Variants in CEP72 observed in about 807,000 individuals in gnomAD.
CEP72 encodes centrosomal protein of 72 kDa.
CEP72 carries 78 observed loss-of-function variants against 65.7 expected under a neutral mutation model. That is an observed-to-expected ratio of 1.19 (90% confidence interval 0.99 to 1.43). CEP72 has a LOEUF of 1.43. Among genes scored for constraint, CEP72 ranks in the 40% most tolerant of loss-of-function variants. The pLI, the probability that CEP72 is intolerant of heterozygous loss-of-function variation, is 0.00. For synonymous variants in CEP72, 358 were observed against 351.7 expected (o/e 1.02, Z -0.20); for missense variants, 914 against 832.9 (o/e 1.10, Z -1.20).
At chr5:658,333 C>G (rs1037770531), downstream of CEP72, among the ~76,000 whole-genome samples, 3 of 152,260 alleles carry the variant, frequency 2.0e-5, no homozygotes, top group Non-Finnish European at 1.5e-5. Context: ...CAGAGCCTCC[C>G]TGAGGCCTCC....
rs534160321 is a variant in CEP72 at position 647,984 on chromosome 5, G to A, written c.1778+68G>A. ...GCCCAGGTACAGGGAGGGTTGGGCC[G>A]GACTGGGTCACACCCAGAAGGCACA... On this transcript the variant is annotated intron_variant, in intron 11 of 11. Transcript: ENST00000264935. 85 of 1,077,912 alleles carry A rather than the reference G, an allele frequency of 7.9e-5. 1 individual carries two copies. The highest frequency in any genetic ancestry group is 7.5e-4 in the South Asian group (54 of 71,778). The allele number at this position is 1,077,912 out of a possible 1,614,324, so 66.8% of individuals were successfully genotyped here. A position where few individuals can be genotyped will look rare whatever the true frequency, so the allele number is the denominator to read the frequency against.
At chr5:673,081 G>A in the CEP72 span, among the ~76,000 whole-genome samples, 9 of 152,058 alleles carry the variant, frequency 5.9e-5, no homozygotes, top group African/African-American at 2.2e-4. Flanking sequence ...ACTTCCTCAC[G>A]GTCCCCAAGC....
At chr5:620,329 T>C in intron 3 of CEP72, 68 bp downstream of exon 3, 1 of 1,337,520 alleles carries the variant, frequency 7.5e-7, no homozygotes, top group Non-Finnish European at 1.1e-6. Flanking sequence ...GGAGTCGTAG[T>C]GGGTGTCTGT....
chr5:669,956 C>T (rs1424915448), downstream of CEP72, among the ~76,000 whole-genome samples: 5 of 152,122 alleles, frequency 3.3e-5, no homozygotes, highest in South Asian at 2.1e-4. Context: ...GTGTGGAGCT[C>T]GGCATCCTCA....
chr5:641,629 A>G (rs1738033947), intron 9 of CEP72: 3 of 979,290 alleles, frequency 3.1e-6, no homozygotes, highest in Non-Finnish European at 3.6e-6. Flanking sequence ...AAGCCTCTGT[A>G]TTTAAACACA....
rs190959042 is a variant in CEP72, at chr5:641,685, G to A, written c.1539+1081G>A. The A allele has an allele frequency of 2.3e-5, 23 of 984,298 alleles. No homozygotes were observed. In the African/African-American group the frequency reaches 3.9e-4, roughly 17 times the overall value. 61.0% of individuals were successfully genotyped at this position (984,298 alleles called of 1,614,324 possible). On this transcript the variant is annotated intron_variant, in intron 9 of 11. Transcript: ENST00000264935. The stretch of plus-strand genomic sequence containing the variant: ...AAGCCTCTGTATTTAAACACACGTG[G>A]GTCCCCATCCCCCGTCCAGAAGTCT...
Position 624,413 on chromosome 5 carries a change from T to C in CEP72, c.404-58T>C. 2.4e-6 allele frequency: 3 copies of C among 1,256,126 alleles called. No individual in the cohort carries two copies. Among genetic ancestry groups the C allele is most frequent in the South Asian group, 2.4e-5 (2 of 82,924 alleles). 77.8% of individuals were successfully genotyped at this position (1,256,126 alleles called of 1,614,324 possible). A position where few individuals can be genotyped will look rare whatever the true frequency, so the allele number is the denominator to read the frequency against. Reference sequence around the variant, plus strand: ...CCTGCCCCGTGTAGATGCCCCAGGGTGGATGCAGCCGCCCGCCGCTTGCCA... The same window carrying C: ...CCTGCCCCGTGTAGATGCCCCAGGGCGGATGCAGCCGCCCGCCGCTTGCCA... On this transcript the variant is annotated intron_variant, in intron 3 of 11. Coordinates refer to ENST00000264935, the MANE Select transcript of CEP72 (RefSeq NM_018140.4). This position sits in a 1 kb window ranked among gnomAD's most constrained non-coding sequence, Gnocchi z 4.7.
chr5:624,339 T>C lies in CEP72; in HGVS notation c.404-132T>C. ...CTGTGGGACCACCAGAGCCCAGCATTCCGGTGCTAGGTTAGTGGGAGCAGG... is the reference window on the plus strand; with the variant it reads ...CTGTGGGACCACCAGAGCCCAGCATCCCGGTGCTAGGTTAGTGGGAGCAGG... On this transcript the variant is annotated intron_variant, in intron 3 of 11. Coordinates refer to ENST00000264935, the MANE Select transcript of CEP72 (RefSeq NM_018140.4). The surrounding 1 kb of genome is among the most constrained non-coding windows in gnomAD (Gnocchi z 4.7). 1 of 647,716 alleles carries C rather than the reference T, an allele frequency of 1.5e-6. No homozygotes were observed. The highest frequency in any genetic ancestry group is 2.8e-6 in the Non-Finnish European group (1 of 359,070). The allele number at this position is 647,716 out of a possible 1,614,324, so 40.1% of individuals were successfully genotyped here. A position where few individuals can be genotyped will look rare whatever the true frequency, so the allele number is the denominator to read the frequency against.
chr5:612,668 C>G (rs1255783113), intron 1 of CEP72: 1 of 953,248 alleles, frequency 1.0e-6, no homozygotes, highest in African/African-American at 2.0e-5. Flanking sequence ...CGTCCCGGCC[C>G]CTGCCTGTCT....
the CEP72 span, among the ~76,000 whole-genome samples, chr5:675,553 G>T: frequency 1.4e-5 from 2 of 147,978 alleles, no homozygotes; most frequent in African/African-American, 2.5e-5. Context: ...TGTGGCCGGG[G>T]GTGCAGTGTG....
At position 645,962 on chromosome 5, in the gene CEP72, C is replaced by T. The variant is rs1472265838; in HGVS notation, c.1666+1537C>T. Among the ~76,000 whole-genome samples, 1 of 151,172 alleles carries T rather than the reference C, an allele frequency of 6.6e-6. No homozygotes were observed. Among genetic ancestry groups the T allele is most frequent in the Admixed American group, 6.6e-5 (1 of 15,188 alleles). Reference sequence around the variant, plus strand: ...TGAGCGTCACTCCTGCTCCCGTTGGCGCCCTGTGTGGATGGTGAATTCGGC... The same window carrying T: ...TGAGCGTCACTCCTGCTCCCGTTGGTGCCCTGTGTGGATGGTGAATTCGGC... On this transcript the variant is annotated intron_variant, in intron 10 of 11. Transcript: ENST00000264935. This position sits in a 1 kb window ranked among gnomAD's most constrained non-coding sequence, Gnocchi z 4.0.
intron 1 of CEP72, chr5:663,413 C>T (rs1739763392): frequency 6.6e-6 from 1 of 152,426 alleles, no homozygotes; most frequent in South Asian, 2.1e-4. Context: ...TCTTTATTTC[C>T]AGGCACTGAA....
chr5:615,868 T>C (rs1735958409), intron 1 of CEP72, among the ~76,000 whole-genome samples: 1 of 152,230 alleles, frequency 6.6e-6, no homozygotes, highest in Non-Finnish European at 1.5e-5. Flanking sequence ...CAAATTACAA[T>C]GTATTTATGT....
chr5:639,502 G>A (rs1157510350), intron 8 of CEP72, among the ~76,000 whole-genome samples: 1 of 152,218 alleles, frequency 6.6e-6, no homozygotes, highest in African/African-American at 2.4e-5. Flanking sequence ...TCAAAATGCT[G>A]TCCAAAGGGG....
rs375979835 is a variant in CEP72, at chr5:633,822, T to G, written c.566T>G (p.Val189Gly). 11 of 1,613,958 alleles carry G rather than the reference T, an allele frequency of 6.8e-6. No homozygotes were observed. In the African/African-American group the frequency reaches 1.5e-4, roughly 22 times the overall value. ...CTEALAKQSL[V>G]MDADDEAVLN... is the part of the protein sequence containing the mutation. Reference sequence around the variant, plus strand: ...GAGGCCTTGGCCAAGCAGAGCCTGGTCATGGATGCGGATGACGAGGCAGTC... The same window carrying G: ...GAGGCCTTGGCCAAGCAGAGCCTGGGCATGGATGCGGATGACGAGGCAGTC... Residue 189 changes from valine (V) to glycine (G), a missense_variant, in exon 5 of 12, where the codon GTC (valine) becomes GGC (glycine). Coordinates refer to ENST00000264935, the MANE Select transcript of CEP72 (RefSeq NM_018140.4).
chr5:673,649 C>T, the CEP72 span, among the ~76,000 whole-genome samples: 4 of 152,212 alleles, frequency 2.6e-5, no homozygotes, highest in African/African-American at 9.6e-5. Context: ...CAGCTGTCTG[C>T]TCCCCCAGAC....
chr5:624,334 A>G lies in CEP72; in HGVS notation c.404-137A>G. On this transcript the variant is annotated intron_variant, in intron 3 of 11. Coordinates refer to ENST00000264935, the MANE Select transcript of CEP72 (RefSeq NM_018140.4). This position sits in a 1 kb window ranked among gnomAD's most constrained non-coding sequence, Gnocchi z 4.7. ...GGAAGCTGTGGGACCACCAGAGCCC[A>G]GCATTCCGGTGCTAGGTTAGTGGGA... is the stretch of plus-strand genomic sequence containing the variant. The G allele has an allele frequency of 1.6e-6, 1 of 641,474 alleles. No homozygotes were observed. The highest frequency in any genetic ancestry group is 2.8e-6 in the Non-Finnish European group (1 of 355,368). The allele number at this position is 641,474 out of a possible 1,614,324, so 39.7% of individuals were successfully genotyped here.
At chr5:642,718 G>C (rs1738140225) in intron 9 of CEP72, 13 of 985,448 alleles carry the variant, frequency 1.3e-5, no homozygotes, top group Non-Finnish European at 1.3e-5. Context: ...TGATCCAGAA[G>C]AATCTGGCAG....
rs1579993677 is a variant in CEP72, at chr5:640,505, G to A, written c.1440G>A (p.Glu480=). Residue 480 remains glutamate, a synonymous_variant, in exon 9 of 12, where the codon GAG becomes GAA. Transcript: ENST00000264935. ...VGEDVGSLAL[E]SKSLQSRLAE... ...AAGATGTCGGCTCCCTGGCTCTGGA[G>A]AGTAAGTCCCTGCAAAGCCGCCTTG... The A allele has an allele frequency of 3.7e-6, 6 of 1,614,156 alleles. No homozygotes were observed. The highest frequency in any genetic ancestry group is 2.2e-5 in the South Asian group (2 of 91,084).
Sources: gnomAD v4.1 joint callset for allele counts (sites outside exome capture counted in the v4.1 genomes callset) on GRCh38, gnomAD v4.1.1 for gene constraint, Gnocchi (gnomAD v3.1) non-coding constraint, MANE v1.5 for transcripts, NCBI Gene and HGNC (gene_info 2026-07-23, HGNC 2026-07-21) for gene names.